TTC6: variants seen among roughly 807,000 people sequenced by gnomAD.
TTC6 encodes the protein tetratricopeptide repeat protein 6.
Under a neutral mutation model 210.4 loss-of-function variants are expected in TTC6, and 172 were observed. The observed-to-expected ratio is 0.82, with a 90% CI of 0.72 to 0.93. TTC6 has a LOEUF of 0.93. TTC6 is among the 40% of genes least tolerant of loss of function. The pLI, the probability that TTC6 is intolerant of heterozygous loss-of-function variation, is 0.00. For synonymous variants in TTC6, 804 were observed against 819.6 expected, an observed-to-expected ratio of 0.98 and a Z score of 0.32; for missense variants, 2,414 against 2,318.1, an observed-to-expected ratio of 1.04 and a Z score of -0.85.
At chr14:37,751,785 C>T (rs1198943428) in intron 13 of TTC6, among the ~76,000 whole-genome samples, 3 of 147,360 alleles carry the variant, frequency 2.0e-5, no homozygotes, top group Non-Finnish European at 3.0e-5. Flanking sequence ...GGGAGAGTAA[C>T]TTATGTTTAG....
At chr14:37,647,380 CATG>C (rs1468774336) in intron 1 of TTC6, among the ~76,000 whole-genome samples, 1 of 152,162 alleles carries the variant, frequency 6.6e-6, no homozygotes, top group Non-Finnish European at 1.5e-5. Context: ...TTGGGCCAAT[CATG>C]GTGACAGTGG....
At chr14:37,630,907 G>GTTTGTTTTTTTTTTTTTT (rs2095668312) in intron 1 of TTC6, among the ~76,000 whole-genome samples, 1 of 33,064 alleles carries the variant, frequency 3.0e-5, no homozygotes, top group Admixed American at 4.2e-4. Context: ...GGCAACCCCT[G>GTTTGTTTTTTTTTTTTTT]TTTTTTTTTT....
intron 5 of TTC6, among the ~76,000 whole-genome samples, chr14:37,713,636 G>A (rs949700477): frequency 2.0e-5 from 3 of 152,192 alleles, no homozygotes; most frequent in African/African-American, 7.2e-5. Flanking sequence ...CTTGCTGGGA[G>A]TAGAGTTTTA....
intron 27 of TTC6, among the ~76,000 whole-genome samples, chr14:37,825,464 G>GT (rs1380966818): frequency 2.0e-5 from 3 of 152,094 alleles, no homozygotes; most frequent in East Asian, 1.9e-4. Flanking sequence ...GGCAAGATGG[G>GT]TTTTTTTAGC....
At chr14:37,754,557 C>T (rs761702437) in intron 14 of TTC6, among the ~76,000 whole-genome samples, 2 of 152,048 alleles carry the variant, frequency 1.3e-5, no homozygotes, top group Non-Finnish European at 2.9e-5. Flanking sequence ...CTCAGCCTTC[C>T]GAGTAGTTGG....
At chr14:37,649,832 A>C (rs1321608832) in intron 1 of TTC6, among the ~76,000 whole-genome samples, 1 of 152,220 alleles carries the variant, frequency 6.6e-6, no homozygotes, top group Non-Finnish European at 1.5e-5. Context: ...AGCAGAGACC[A>C]AACTGTAGAT....
intron 3 of TTC6, among the ~76,000 whole-genome samples, chr14:37,684,092 C>T (rs903093331): frequency 1.3e-5 from 2 of 152,110 alleles, no homozygotes; most frequent in African/African-American, 2.4e-5. Flanking sequence ...ACTCTGAAAC[C>T]TGGGATTTGT....
chr14:37,758,276 G>A (rs1018546018), intron 14 of TTC6, among the ~76,000 whole-genome samples: 1 of 152,126 alleles, frequency 6.6e-6, no homozygotes, highest in African/African-American at 2.4e-5. Context: ...TATTGACAAT[G>A]GAATGATAAA....
chr14:37,784,000 T>C (rs2096061692), intron 14 of TTC6, among the ~76,000 whole-genome samples: 1 of 152,194 alleles, frequency 6.6e-6, no homozygotes, highest in South Asian at 2.1e-4. Flanking sequence ...GAGAGACAGT[T>C]TGTTATAATT....
At chr14:37,829,801 T>G (rs2096180390) in intron 29 of TTC6, among the ~76,000 whole-genome samples, 1 of 152,124 alleles carries the variant, frequency 6.6e-6, no homozygotes, top group Admixed American at 6.6e-5. Context: ...GAATAGTTAC[T>G]GTGGGTTCAC....
intron 6 of TTC6, among the ~76,000 whole-genome samples, chr14:37,716,765 A>G (rs1269278762): frequency 6.6e-6 from 1 of 152,174 alleles, no homozygotes; most frequent in Non-Finnish European, 1.5e-5. Flanking sequence ...TCAAAAATTC[A>G]TAGAACACTT....
intron 1 of TTC6, among the ~76,000 whole-genome samples, chr14:37,629,511 G>A (rs2139332303): frequency 6.6e-6 from 1 of 152,324 alleles, no homozygotes; most frequent in African/African-American, 2.4e-5. Context: ...TTTGGGCTGA[G>A]AGGATGGGGT....
intron 1 of TTC6, among the ~76,000 whole-genome samples, chr14:37,657,094 C>T (rs1037084011): frequency 9.9e-5 from 15 of 151,546 alleles, no homozygotes; most frequent in Middle Eastern, 3.4e-3. Context: ...TACCGGTAGC[C>T]CCAGCTACTC....
At chr14:37,624,597 C>A (rs2095657010) in intron 1 of TTC6, among the ~76,000 whole-genome samples, 1 of 152,030 alleles carries the variant, frequency 6.6e-6, no homozygotes, top group Non-Finnish European at 1.5e-5. Context: ...GTATTCAGCT[C>A]TTTTACCAGA....
At chr14:37,785,381 T>C (rs752193039) in intron 14 of TTC6, among the ~76,000 whole-genome samples, 25 of 152,246 alleles carry the variant, frequency 1.6e-4, no homozygotes, top group Non-Finnish European at 2.9e-4. Context: ...CTTCAATCAC[T>C]GATACCCTTT....
chr14:37,707,276 T>C (rs1000934781), intron 5 of TTC6, among the ~76,000 whole-genome samples: 3 of 152,090 alleles, frequency 2.0e-5, no homozygotes, highest in Admixed American at 6.6e-5. Context: ...CATGGAAAGC[T>C]CTTCTTATAT....
intron 7 of TTC6, among the ~76,000 whole-genome samples, chr14:37,726,275 T>C (rs2095872916): frequency 6.6e-6 from 1 of 152,170 alleles, no homozygotes; most frequent in South Asian, 2.1e-4. Context: ...AATAGCATAA[T>C]AAAGCCAGAG....
chr14:37,813,748 C>CCA (rs1216898805), intron 25 of TTC6, among the ~76,000 whole-genome samples: 3 of 152,118 alleles, frequency 2.0e-5, no homozygotes, highest in Non-Finnish European at 4.4e-5. Context: ...AGACAGAGTT[C>CCA]CAGTCTTTGA....
At chr14:37,651,790 C>T (rs564311333) in intron 1 of TTC6, among the ~76,000 whole-genome samples, 11 of 151,994 alleles carry the variant, frequency 7.2e-5, no homozygotes, top group South Asian at 2.1e-4. Flanking sequence ...TAGCAAGACC[C>T]TGACTCTAAA....
Sources: allele counts gnomAD v4.1 joint callset (sites outside exome capture counted in the v4.1 genomes callset), GRCh38; gene constraint gnomAD v4.1.1; transcripts MANE v1.5; gene names NCBI Gene and HGNC (gene_info 2026-07-23, HGNC 2026-07-21).